The following TRIM71 variants were observed in gnomAD, a reference collection of about 807,000 sequenced individuals.
The protein encoded by TRIM71 is tripartite motif containing 71, also known as E3 ubiquitin-protein ligase TRIM71.
A neutral mutation model predicts 61.2 loss-of-function variants in TRIM71; 9 were observed. The ratio of observed to expected loss-of-function variants is 0.15; its 90% CI spans 0.09 to 0.26. The LOEUF (loss-of-function observed/expected upper bound fraction) is 0.26, where lower values mean the gene tolerates loss of function less well. TRIM71 is among the 10% of genes least tolerant of loss of function. The pLI, the probability that TRIM71 is intolerant of heterozygous loss-of-function variation, is 1.00. For synonymous variants in TRIM71, 645 were observed against 553.2 expected, an observed-to-expected ratio of 1.17 and a Z score of -2.33; for missense variants, 998 against 1,238.7, an observed-to-expected ratio of 0.81 and a Z score of 2.92.
chr3:32,829,626 TTGTG>T (rs10524029), intron 1 of TRIM71, among the ~76,000 whole-genome samples: 83 of 148,778 alleles, frequency 5.6e-4, no homozygotes, highest in African/African-American at 1.1e-3. Context: ...TGTCATGGTA[TTGTG>T]TGTGTGTGTG....
At chr3:32,864,180 G>A (rs1696704745) in intron 1 of TRIM71, among the ~76,000 whole-genome samples, 1 of 152,184 alleles carries the variant, frequency 6.6e-6, no homozygotes, top group Non-Finnish European at 1.5e-5. Flanking sequence ...TTGGGCTCAA[G>A]CAATCCTCCC....
Position 32,821,863 on chromosome 3 carries a change from A to ACGTGG in TRIM71, c.852+2933_852+2937dup, listed in dbSNP as rs1428821979. On this transcript the variant is annotated intron_variant, in intron 1 of 3. Coordinates refer to ENST00000383763, the MANE Select transcript of TRIM71 (RefSeq NM_001039111.3). The stretch of plus-strand genomic sequence containing the variant: ...CCCGGAGCCTGCCTCGGCTCTGGGG[A>ACGTGG]CGTGGCCTGGCCGGCGGCTGCTCTT... Among the ~76,000 whole-genome samples, 7 of 151,568 alleles carry ACGTGG rather than the reference A, an allele frequency of 4.6e-5. No individual in the cohort carries two copies. In the East Asian group the frequency reaches 1.4e-3, roughly 30 times the overall value.
intron 3 of TRIM71, among the ~76,000 whole-genome samples, chr3:32,889,829 G>A (rs1258612371): frequency 6.6e-6 from 1 of 152,082 alleles, no homozygotes; most frequent in Admixed American, 6.6e-5. Flanking sequence ...GACCTCAGGT[G>A]ATCTGCCTGC....
chr3:32,832,622 T>G (rs570118615), intron 1 of TRIM71, among the ~76,000 whole-genome samples: 60 of 152,066 alleles, frequency 3.9e-4, no homozygotes, highest in African/African-American at 1.4e-3. Context: ...GAGGTGGAGG[T>G]TGTAGTGAGC....
intron 1 of TRIM71, among the ~76,000 whole-genome samples, chr3:32,860,331 G>T (rs1197284508): frequency 6.6e-6 from 1 of 151,868 alleles, no homozygotes; most frequent in African/African-American, 2.4e-5. Context: ...GCTATATTTT[G>T]TATTTTTAAT....
chr3:32,843,231 A>G (rs988321063), intron 1 of TRIM71, among the ~76,000 whole-genome samples: 1 of 152,114 alleles, frequency 6.6e-6, no homozygotes, highest in Non-Finnish European at 1.5e-5. Context: ...TCACCCCCCA[A>G]GATCTGGCCT....
chr3:32,819,744 C>T (rs1696106610), intron 1 of TRIM71, among the ~76,000 whole-genome samples: 1 of 152,242 alleles, frequency 6.6e-6, no homozygotes, highest in Non-Finnish European at 1.5e-5. Context: ...TCTCTTGGGC[C>T]GCGCCCGCCT....
chr3:32,891,266 C>G lies in TRIM71; in HGVS notation c.2062C>G (p.Leu688Val). Reference protein sequence around the residue: ...QIFTFEGQFLLKFGEKGTKNG... With the variant: ...QIFTFEGQFLVKFGEKGTKNG... The stretch of plus-strand genomic sequence containing the variant: ...CTTCACGTTCGAGGGCCAGTTCCTC[C>G]TCAAGTTTGGTGAGAAAGGAACCAA... Residue 688 changes from leucine to valine, a missense_variant, in exon 4 of 4, where the codon CTC (leucine) becomes GTC (valine). This residue lies in a region of TRIM71 where 83 missense variants were observed against 202.7 expected (regional missense o/e 0.41). Transcript: ENST00000383763. This position sits in a 1 kb window ranked among gnomAD's most constrained non-coding sequence, Gnocchi z 8.2. 1 of 1,613,782 alleles carries G rather than the reference C, an allele frequency of 6.2e-7. No homozygotes were observed. The highest frequency in any genetic ancestry group is 1.1e-5 in the South Asian group (1 of 91,058).
At chr3:32,839,672 TG>T (rs1559540145) in intron 1 of TRIM71, among the ~76,000 whole-genome samples, 8 of 21,616 alleles carry the variant, frequency 3.7e-4, no homozygotes, top group Non-Finnish European at 7.6e-4. Context: ...GGGGGGGGGG[TG>T]GGGGTGGGGT....
chr3:32,858,351 A>C (rs1559544323), intron 1 of TRIM71, among the ~76,000 whole-genome samples: 1 of 152,174 alleles, frequency 6.6e-6, no homozygotes, highest in Non-Finnish European at 1.5e-5. Flanking sequence ...AGCTCTGGGA[A>C]TAGAAGCTTC....
intron 1 of TRIM71, among the ~76,000 whole-genome samples, chr3:32,824,572 TTC>T (rs1184306461): frequency 6.6e-4 from 100 of 152,176 alleles, no homozygotes; most frequent in Non-Finnish European, 1.2e-3. Flanking sequence ...AAGCCTTGAC[TTC>T]TCAGGCTTAA....
intron 1 of TRIM71, among the ~76,000 whole-genome samples, chr3:32,849,304 A>G (rs561157945): frequency 1.3e-5 from 2 of 152,080 alleles, no homozygotes; most frequent in African/African-American, 2.4e-5. Context: ...CCCCAGGACT[A>G]ATTTTTAAAC....
At chr3:32,875,816 A>G (rs895859711) in intron 2 of TRIM71, among the ~76,000 whole-genome samples, 1 of 152,178 alleles carries the variant, frequency 6.6e-6, no homozygotes, top group Non-Finnish European at 1.5e-5. Flanking sequence ...AGCCTGGGCA[A>G]CAGTTAAGAC....
At chr3:32,882,644 T>G (rs996523960) in intron 2 of TRIM71, among the ~76,000 whole-genome samples, 1 of 152,168 alleles carries the variant, frequency 6.6e-6, no homozygotes, top group South Asian at 2.1e-4. Context: ...CTCCCAAGAC[T>G]CAAGCAATCC....
chr3:32,848,911 C>T (rs1365173289), intron 1 of TRIM71, among the ~76,000 whole-genome samples: 8 of 152,124 alleles, frequency 5.3e-5, no homozygotes, highest in Non-Finnish European at 1.0e-4. Flanking sequence ...TCCCTAAGCC[C>T]CTAAACCCCA....
intron 2 of TRIM71, among the ~76,000 whole-genome samples, chr3:32,878,690 C>A (rs1018346506): frequency 6.6e-6 from 1 of 152,170 alleles, no homozygotes; most frequent in African/African-American, 2.4e-5. Context: ...ATGCTGTCAT[C>A]CAGGCTTTGT....
intron 1 of TRIM71, among the ~76,000 whole-genome samples, chr3:32,855,085 A>T (rs879503730): frequency 6.6e-6 from 1 of 152,166 alleles, no homozygotes; most frequent in Non-Finnish European, 1.5e-5. Flanking sequence ...TATAAATTAC[A>T]TTTTATCATA....
chr3:32,892,416 C>A lies in TRIM71; in HGVS notation c.*605C>A, dbSNP rs770110132. ...AATCTTCTCTTTTTAAATGCTGCAACAGAGAAATTTCCTCTGTTCTCTGTT... is the reference window on the plus strand; with the variant it reads ...AATCTTCTCTTTTTAAATGCTGCAAAAGAGAAATTTCCTCTGTTCTCTGTT... On this transcript the variant is annotated 3_prime_UTR_variant, in exon 4 of 4. Transcript: ENST00000383763. 2 of 152,354 alleles carry A rather than the reference C, an allele frequency of 1.3e-5. No individual in the cohort carries two copies. Among genetic ancestry groups the A allele is most frequent in the Non-Finnish European group, 2.9e-5 (2 of 68,154 alleles). The allele number at this position is 152,354 out of a possible 1,614,324, so 9.4% of individuals were successfully genotyped here.
intron 1 of TRIM71, among the ~76,000 whole-genome samples, chr3:32,831,288 A>G (rs1696267819): frequency 6.7e-6 from 1 of 150,182 alleles, no homozygotes; most frequent in African/African-American, 2.4e-5. Flanking sequence ...GACCTTGGAC[A>G]AGTCACTTAA....
Sources: gnomAD v4.1 joint callset for allele counts (sites outside exome capture counted in the v4.1 genomes callset) on GRCh38, gnomAD v4.1.1 for gene constraint, gnomAD v4.1.1 regional missense constraint, Gnocchi (gnomAD v3.1) non-coding constraint, MANE v1.5 for transcripts, NCBI Gene and HGNC (gene_info 2026-07-23, HGNC 2026-07-21) for gene names.